Variants in GIP observed in about 807,000 individuals in gnomAD.
The protein encoded by GIP is gastric inhibitory polypeptide.
Under a neutral mutation model 18.1 loss-of-function variants are expected in GIP, and 16 were observed. That is an observed-to-expected ratio of 0.88 (90% CI 0.60 to 1.34). The LOEUF (loss-of-function observed/expected upper bound fraction) is 1.34, where lower values mean the gene tolerates loss of function less well. Among genes scored for constraint, GIP ranks in the 40% most tolerant of loss-of-function variants. GIP has a pLI of 0.00. For synonymous variants in GIP, 76 were observed against 74.0 expected (o/e 1.03, Z -0.14); for missense variants, 192 against 183.4 (o/e 1.05, Z -0.27).
intron 3 of GIP, 25 bp downstream of exon 3, chr17:48,964,285 A>C (rs1196857103): frequency 6.3e-7 from 1 of 1,599,382 alleles, no homozygotes; most frequent in Non-Finnish European, 8.6e-7. Flanking sequence ...CACAGGGAAC[A>C]GGAGGAGTGT....
intron 2 of GIP, among the ~76,000 whole-genome samples, chr17:48,966,493 G>A (rs1413030538): frequency 6.6e-6 from 1 of 151,668 alleles, no homozygotes; most frequent in African/African-American, 2.4e-5. Flanking sequence ...GGAGGCAGAG[G>A]TTGTAGTGAG....
At chr17:48,961,652 CAGGG>C (rs2041200865) in intron 4 of GIP, 71 bp downstream of exon 4, 1 of 899,844 alleles carries the variant, frequency 1.1e-6, no homozygotes, top group Non-Finnish European at 1.8e-6. Flanking sequence ...GCTCTGGGGT[CAGGG>C]AGAGGGAACA....
rs761134072 is a variant in GIP at position 48,958,715 on chromosome 17, A to G, written c.454T>C (p.Ser152Pro). The change falls in exon 6 of 6, where the codon TCT becomes CCT. Residue 152 changes from serine to proline, a missense_variant and splice_region_variant. Coordinates refer to ENST00000357424, the MANE Select transcript of GIP (RefSeq NM_004123.3). Reference sequence around the variant, plus strand: ...GCTGGGTGTGGTCAGAGTCACCGAGACCTGGGGAGAGTGGGGAAAGGAGAA... The same window carrying G: ...GCTGGGTGTGGTCAGAGTCACCGAGGCCTGGGGAGAGTGGGGAAAGGAGAA... ...LDQTNLCRLR[S>P]R The G allele has an allele frequency of 1.3e-6, 2 of 1,581,506 alleles. No homozygotes were observed.
chr17:48,964,325 T>G lies in GIP; in HGVS notation c.242A>C (p.Lys81Thr). ...QDFVNWLLAQ[K>T]GKKNDWKHNI... is the part of the protein sequence containing the mutation. ...AGCGACTCACTCATTCTTCTTCCCC[T>G]TTTGGGCCAGCAGCCAGTTCACAAA... Residue 81 changes from lysine (K) to threonine (T), a missense_variant, in exon 3 of 6, where the codon AAG (lysine) becomes ACG (threonine). Coordinates refer to ENST00000357424, the MANE Select transcript of GIP (RefSeq NM_004123.3). 6.2e-7 allele frequency: 1 copy of G among 1,612,910 alleles called. No homozygotes were observed. Among genetic ancestry groups the G allele is most frequent in the Non-Finnish European group, 8.5e-7 (1 of 1,179,022 alleles).
intron 2 of GIP, among the ~76,000 whole-genome samples, chr17:48,965,131 T>C (rs1465448581): frequency 9.3e-5 from 3 of 32,288 alleles, no homozygotes; most frequent in South Asian, 1.5e-3. Context: ...AGAGCGAGAC[T>C]CCGTCTCAAA....
chr17:48,958,790 CA>C, intron 5 of GIP, 74 bp from the exon 6 acceptor site: 1 of 1,193,916 alleles, frequency 8.4e-7, no homozygotes, highest in South Asian at 1.3e-5. Flanking sequence ...TCCTGGGACC[CA>C]ACCATTGTTG....
At chr17:48,962,557 C>A (rs918633323) in intron 3 of GIP, among the ~76,000 whole-genome samples, 19 of 151,320 alleles carry the variant, frequency 1.3e-4, no homozygotes, top group African/African-American at 4.6e-4. Flanking sequence ...TTAGTAGAGA[C>A]GGGATTTCAC....
intron 2 of GIP, 134 bp from the exon 3 acceptor site, chr17:48,964,614 A>T: frequency 1.5e-6 from 1 of 662,470 alleles, no homozygotes; most frequent in Non-Finnish European, 2.6e-6. Flanking sequence ...CTGTGGATCC[A>T]CTCCCCCACC....
intron 5 of GIP, among the ~76,000 whole-genome samples, chr17:48,959,201 T>C (rs1260287221): frequency 6.6e-6 from 1 of 152,156 alleles, no homozygotes; most frequent in African/African-American, 2.4e-5. Context: ...GTGCCCAAGC[T>C]GGAGTGCAGT....
chr17:48,966,045 G>A (rs2041234320), intron 2 of GIP, among the ~76,000 whole-genome samples: 1 of 151,922 alleles, frequency 6.6e-6, no homozygotes, highest in Admixed American at 6.6e-5. Context: ...GGATCACGAG[G>A]TCAGGAGTTC....
rs759729822 is a variant in GIP at position 48,958,666 on chromosome 17, G to T, written c.*41C>A. Reference sequence around the variant, plus strand: ...GGAGTGGGGCTGAGGCAGGTGCTAAGTGAAGGGCAGAATCCAGTCCTGAGC... The same window carrying T: ...GGAGTGGGGCTGAGGCAGGTGCTAATTGAAGGGCAGAATCCAGTCCTGAGC... On this transcript the variant is annotated 3_prime_UTR_variant, in exon 6 of 6. Coordinates refer to ENST00000357424, the MANE Select transcript of GIP (RefSeq NM_004123.3). 1.6e-5 allele frequency: 24 copies of T among 1,547,856 alleles called. No homozygotes were observed. The highest frequency in any genetic ancestry group is 3.3e-4 in the Middle Eastern group (2 of 6,004).
Position 48,960,899 on chromosome 17 carries a change from G to A in GIP, c.439C>T (p.Leu147Phe), listed in dbSNP as rs1374850730. Residue 147 changes from leucine to phenylalanine, a missense_variant, in exon 5 of 6, where the codon CTC (leucine) becomes TTC (phenylalanine). By Grantham distance (22) the Leu-to-Phe change is conservative. Transcript: ENST00000357424. ...ACACTCCCCTACCTGAGCCTGCAGAGGTTTGTCTGATCCAGCAAGCAGGCC... is the reference window on the plus strand; with the variant it reads ...ACACTCCCCTACCTGAGCCTGCAGAAGTTTGTCTGATCCAGCAAGCAGGCC... ...LLACLLDQTNLCRLRSR is the reference protein window; with the variant it reads ...LLACLLDQTNFCRLRSR 3.6e-5 allele frequency: 57 copies of A among 1,597,936 alleles called. No homozygotes were observed. The highest frequency in any genetic ancestry group is 4.7e-5 in the Non-Finnish European group (55 of 1,170,660).
chr17:48,960,752 C>T, intron 5 of GIP, 134 bp downstream of exon 5: 2 of 675,616 alleles, frequency 3.0e-6, no homozygotes, highest in South Asian at 3.4e-5. Flanking sequence ...GATTCTATAC[C>T]TCTGATTTTA....
chr17:48,962,652 C>G (rs1567796715), intron 3 of GIP, among the ~76,000 whole-genome samples: 3 of 152,056 alleles, frequency 2.0e-5, no homozygotes. Flanking sequence ...CAGGTGTGAG[C>G]TACTGGGCCT....
At chr17:48,961,133 G>C (rs1230142690) in intron 4 of GIP, 146 bp from the exon 5 acceptor site, 1 of 599,160 alleles carries the variant, frequency 1.7e-6, no homozygotes, top group Non-Finnish European at 2.9e-6. Flanking sequence ...TCAGCTCTGA[G>C]ATCTGGAGCC....
chr17:48,967,045 C>T lies in GIP; in HGVS notation c.86+102G>A, dbSNP rs937246452. On this transcript the variant is annotated intron_variant, in intron 2 of 5. Coordinates refer to ENST00000357424, the MANE Select transcript of GIP (RefSeq NM_004123.3). ...TTCCCTGGAGCTTCCTACCTCTTAG[C>T]CTGGATTCCTTCCCTTTCTCATCTC... 6.9e-6 allele frequency: 6 copies of T among 863,796 alleles called. No individual in the cohort carries two copies. In the African/African-American group the frequency reaches 9.9e-5, roughly 14 times the overall value. The allele number at this position is 863,796 out of a possible 1,614,324, so 53.5% of individuals were successfully genotyped here. A position where few individuals can be genotyped will look rare whatever the true frequency, so the allele number is the denominator to read the frequency against.
chr17:48,961,650 G>T, intron 4 of GIP, 77 bp downstream of exon 4: 1 of 886,572 alleles, frequency 1.1e-6, no homozygotes, highest in Non-Finnish European at 1.8e-6. Context: ...CTGCTCTGGG[G>T]TCAGGGAGAG....
intron 2 of GIP, among the ~76,000 whole-genome samples, chr17:48,964,722 G>A (rs536811765): frequency 6.6e-6 from 1 of 152,272 alleles, no homozygotes; most frequent in Non-Finnish European, 1.5e-5. Flanking sequence ...GGGGCCAGGG[G>A]CGGTGGCTCA....
intron 2 of GIP, among the ~76,000 whole-genome samples, chr17:48,966,255 T>TA (rs35523625): frequency 0.53 from 65,722 of 123,220 alleles, 17,984 homozygotes; most frequent in African/African-American, 0.73. Flanking sequence ...AGACTCCAAT[T>TA]AAAAAAAAAA....
Sources: gnomAD v4.1 joint callset for allele counts (sites outside exome capture counted in the v4.1 genomes callset) on GRCh38, gnomAD v4.1.1 for gene constraint, MANE v1.5 for transcripts, NCBI Gene and HGNC (gene_info 2026-07-23, HGNC 2026-07-21) for gene names.